Variants in PRDM14 observed in about 807,000 individuals in gnomAD.
PRDM14 encodes PR/SET domain 14.
A neutral mutation model predicts 48.0 loss-of-function variants in PRDM14; 16 were observed. That is an observed-to-expected ratio of 0.33 (90% CI 0.23 to 0.51). The LOEUF (loss-of-function observed/expected upper bound fraction) is 0.51, where lower values mean the gene tolerates loss of function less well. Among genes scored for constraint, PRDM14 ranks in the 20% least tolerant of loss-of-function variants. The probability of loss-of-function intolerance (pLI) is 0.97; values close to 1 mark genes in which losing one functional copy is unlikely to be tolerated. For synonymous variants in PRDM14, 264 were observed against 276.6 expected (o/e 0.95, Z 0.45); for missense variants, 566 against 719.6 (o/e 0.79, Z 2.44).
chr8:70,059,113 C>T (rs889605287), intron 5 of PRDM14, among the ~76,000 whole-genome samples: 2 of 151,886 alleles, frequency 1.3e-5, no homozygotes, highest in Admixed American at 6.6e-5. Context: ...CACTACCACG[C>T]CTGGCTAATT....
At chr8:70,054,983 T>C (rs974519895) in intron 7 of PRDM14, among the ~76,000 whole-genome samples, 2 of 151,970 alleles carry the variant, frequency 1.3e-5, no homozygotes, top group African/African-American at 2.4e-5. Flanking sequence ...CACCGATGCA[T>C]GGAAAATTTG....
intron 2 of PRDM14, 41 bp downstream of exon 2, chr8:70,069,120 C>T: frequency 7.0e-7 from 1 of 1,426,958 alleles, no homozygotes; most frequent in Non-Finnish European, 9.3e-7. Context: ...CGCCTGCATT[C>T]CCGTCCAATT....
chr8:70,059,341 G>A (rs1391965344), intron 5 of PRDM14, among the ~76,000 whole-genome samples: 8 of 148,448 alleles, frequency 5.4e-5, no homozygotes, highest in Non-Finnish European at 1.0e-4. Flanking sequence ...GTGTGATCTC[G>A]GCTCACTGCA....
At position 70,060,914 on chromosome 8, in the gene PRDM14, G is replaced by A. The variant is rs554515388; in HGVS notation, c.1184-2072C>T. On this transcript the variant is annotated intron_variant, in intron 5 of 7. Coordinates refer to ENST00000276594, the MANE Select transcript of PRDM14 (RefSeq NM_024504.4). ...TATACTTCATTACTCAAAACTTGTG[G>A]CAGATTCCAGAGCTAGAATCTTTAT... is the stretch of plus-strand genomic sequence containing the variant. Among the ~76,000 whole-genome samples, 5 of 152,310 alleles carry A rather than the reference G, an allele frequency of 3.3e-5. No homozygotes were observed. In the South Asian group the frequency reaches 1.0e-3, roughly 32 times the overall value.
intron 5 of PRDM14, among the ~76,000 whole-genome samples, chr8:70,063,123 T>A (rs758549216): frequency 2.0e-5 from 3 of 152,112 alleles, no homozygotes; most frequent in Non-Finnish European, 4.4e-5. Context: ...AATAATTTGA[T>A]ACATACGGTG....
At chr8:70,066,110 C>A in intron 5 of PRDM14, 125 bp downstream of exon 5, 1 of 1,055,292 alleles carries the variant, frequency 9.5e-7, no homozygotes, top group Non-Finnish European at 1.4e-6. Context: ...TGGTTAGAGA[C>A]ACTCTCGGTT....
chr8:70,066,052 A>G (rs1016003093), intron 5 of PRDM14, among the ~76,000 whole-genome samples, 183 bp downstream of exon 5: 5 of 152,204 alleles, frequency 3.3e-5, no homozygotes, highest in African/African-American at 9.7e-5. Context: ...TAGCTTCCGC[A>G]GCTTTGGGAA....
At chr8:70,062,096 A>G (rs1805590908) in intron 5 of PRDM14, among the ~76,000 whole-genome samples, 2 of 152,254 alleles carry the variant, frequency 1.3e-5, no homozygotes, top group Admixed American at 6.5e-5. Flanking sequence ...ACATTCATTT[A>G]TAATTATTCC....
rs1805455722 is a variant in PRDM14 at position 70,055,394 on chromosome 8, G to A, written c.1394C>T (p.Thr465Ile). 1.3e-6 allele frequency: 2 copies of A among 1,578,394 alleles called. No homozygotes were observed. Among genetic ancestry groups the A allele is most frequent in the African/African-American group, 2.7e-5 (2 of 73,824 alleles). Residue 465 changes from threonine to isoleucine, a missense_variant, in exon 7 of 8, where the codon ACA (threonine) becomes ATA (isoleucine). Transcript: ENST00000276594. The stretch of plus-strand genomic sequence containing the variant: ...AGATTGAGAGAAACATTTCCCACAT[G>A]TAGAACACTAAGGTGAAAAAGAAAA... ...HEKHRPHKCSTCGKCFSQSSS... is the reference protein window; with the variant it reads ...HEKHRPHKCSICGKCFSQSSS...
At chr8:70,055,459 C>T (rs1805456710) in intron 6 of PRDM14, 58 bp from the exon 7 acceptor site, 5 of 989,950 alleles carry the variant, frequency 5.1e-6, no homozygotes, top group Admixed American at 3.6e-5. Context: ...AAGTCCATTT[C>T]AACCTTGCGT....
At chr8:70,061,717 C>T (rs1426594550) in intron 5 of PRDM14, among the ~76,000 whole-genome samples, 2 of 152,094 alleles carry the variant, frequency 1.3e-5, no homozygotes, top group Non-Finnish European at 2.9e-5. Flanking sequence ...ATACTGAGTT[C>T]GCTTAAGAAC....
chr8:70,065,141 A>G (rs988715946), intron 5 of PRDM14, among the ~76,000 whole-genome samples: 5 of 151,456 alleles, frequency 3.3e-5, no homozygotes, highest in African/African-American at 4.9e-5. Flanking sequence ...CCATTTCGGC[A>G]TCCCAAAGTG....
Position 70,069,499 on chromosome 8 carries a change from T to C in PRDM14, c.362A>G (p.Tyr121Cys), listed in dbSNP as rs1333777012. 1.3e-6 allele frequency: 2 copies of C among 1,591,724 alleles called. No individual in the cohort carries two copies. The highest frequency in any genetic ancestry group is 1.7e-6 in the Non-Finnish European group (2 of 1,168,036). The change falls in exon 2 of 8, where the codon TAC (tyrosine) becomes TGC (cysteine). Residue 121 changes from tyrosine to cysteine, a missense_variant. Physicochemically the swap from Tyr to Cys is radical, Grantham distance 194 (BLOSUM62 -2). Coordinates refer to ENST00000276594, the MANE Select transcript of PRDM14 (RefSeq NM_024504.4). ...VPPFLSSSHE[Y>C]AGASSEDLGH... ...CAGATCTTCACTGCTGGCACCCGCGTACTCGTGGCTGCTGCTCAGGAAGGG... is the reference window on the plus strand; with the variant it reads ...CAGATCTTCACTGCTGGCACCCGCGCACTCGTGGCTGCTGCTCAGGAAGGG...
intron 5 of PRDM14, among the ~76,000 whole-genome samples, chr8:70,065,633 A>G (rs978662282): frequency 1.3e-5 from 2 of 152,126 alleles, no homozygotes; most frequent in Non-Finnish European, 2.9e-5. Flanking sequence ...GTATTTCTCA[A>G]ACTTGCCTGA....
chr8:70,058,895 C>T, intron 5 of PRDM14, 53 bp from the exon 6 acceptor site: 2 of 1,322,926 alleles, frequency 1.5e-6, no homozygotes, highest in East Asian at 2.3e-5. Context: ...TCCCTAGTTC[C>T]TTCAAGAGGA....
At chr8:70,066,547 T>G (rs775477566) in intron 4 of PRDM14, 42 bp from the exon 5 acceptor site, 1 of 1,540,342 alleles carries the variant, frequency 6.5e-7, no homozygotes, top group Non-Finnish European at 8.8e-7. Flanking sequence ...TACTTCTTTT[T>G]TGGTCTAATC....
intron 6 of PRDM14, among the ~76,000 whole-genome samples, chr8:70,057,303 A>AATT (rs140242872): frequency 0.11 from 16,037 of 149,900 alleles, 1,086 homozygotes; most frequent in Non-Finnish European, 0.16. Context: ...CATCTTCTGT[A>AATT]ATTTGGTTTT....
At chr8:70,052,511 C>G (rs1456018587) in intron 7 of PRDM14, among the ~76,000 whole-genome samples, 1 of 152,086 alleles carries the variant, frequency 6.6e-6, no homozygotes, top group South Asian at 2.1e-4. Context: ...TTGAGAAGCA[C>G]TGGATGTTAG....
At chr8:70,062,853 C>T (rs1359462888) in intron 5 of PRDM14, among the ~76,000 whole-genome samples, 1 of 152,154 alleles carries the variant, frequency 6.6e-6, no homozygotes, top group Non-Finnish European at 1.5e-5. Flanking sequence ...GAAATTCCCA[C>T]TTTTGGCAAT....
Sources: gnomAD v4.1 joint callset for allele counts (sites outside exome capture counted in the v4.1 genomes callset) on GRCh38, gnomAD v4.1.1 for gene constraint, MANE v1.5 for transcripts, NCBI Gene and HGNC (gene_info 2026-07-23, HGNC 2026-07-21) for gene names.